The following DOK6 variants were observed in gnomAD, a reference collection of about 807,000 sequenced individuals.
DOK6 encodes the protein downstream of tyrosine kinase 6.
A neutral mutation model predicts 44.0 loss-of-function variants in DOK6; 22 were observed. That is an observed-to-expected ratio of 0.50 (90% CI 0.36 to 0.71). DOK6 has a LOEUF of 0.71. Among genes scored for constraint, DOK6 ranks in the 30% least tolerant of loss-of-function variants. The pLI, the probability that DOK6 is intolerant of heterozygous loss-of-function variation, is 0.00. For synonymous variants in DOK6, 166 were observed against 145.5 expected (o/e 1.14, Z -1.01); for missense variants, 340 against 416.4 (o/e 0.82, Z 1.60).
At chr18:69,831,750 T>A (rs1449661252) in intron 7 of DOK6, among the ~76,000 whole-genome samples, 2 of 152,234 alleles carry the variant, frequency 1.3e-5, no homozygotes, top group African/African-American at 4.8e-5. Context: ...AGCACAGTGA[T>A]CAAATCATAA....
chr18:69,726,906 G>A (rs1254922249), intron 5 of DOK6, among the ~76,000 whole-genome samples: 1 of 151,648 alleles, frequency 6.6e-6, no homozygotes. Context: ...CCAGGCTGGA[G>A]TGCAGTGGCA....
intron 4 of DOK6, among the ~76,000 whole-genome samples, chr18:69,682,806 G>GGTAGA (rs1986072583): frequency 6.6e-6 from 1 of 152,124 alleles, no homozygotes. Flanking sequence ...AAAGTACTGT[G>GGTAGA]GTAGAGGTGA....
chr18:69,519,028 G>A (rs1044359366), intron 1 of DOK6, among the ~76,000 whole-genome samples: 8 of 152,030 alleles, frequency 5.3e-5, no homozygotes, highest in Admixed American at 3.3e-4. Flanking sequence ...TCAATTGCAA[G>A]AGGAAATGAA....
rs1337364324 is a variant in DOK6 at position 69,585,909 on chromosome 18, A to C, written c.175-13475A>C. ...GATGTATGTCAGCAATCTGTCCCTA[A>C]TCATAGCCTTGTATCTTTTGAACAG... On this transcript the variant is annotated intron_variant, in intron 2 of 7. Coordinates refer to ENST00000382713, the MANE Select transcript of DOK6 (RefSeq NM_152721.6). Among the ~76,000 whole-genome samples the C allele has an allele frequency of 3.9e-5, 6 of 152,208 alleles. No individual in the cohort carries two copies. The East Asian group carries it at 1.2e-3, about 29-fold the overall frequency.
intron 3 of DOK6, among the ~76,000 whole-genome samples, chr18:69,648,802 A>G (rs1985148471): frequency 1.3e-5 from 2 of 152,196 alleles, no homozygotes; most frequent in Non-Finnish European, 1.5e-5. Context: ...ATAGCTGTTC[A>G]TGCAACTGGG....
intron 7 of DOK6, among the ~76,000 whole-genome samples, chr18:69,833,897 CA>C (rs1981970151): frequency 6.6e-6 from 1 of 151,980 alleles, no homozygotes; most frequent in Non-Finnish European, 1.5e-5. Flanking sequence ...ATCAAAAAGA[CA>C]AAAAATAACA....
Position 69,842,979 on chromosome 18 carries a change from T to C in DOK6, c.*1596T>C, listed in dbSNP as rs1482352195. 1 of 152,136 alleles carries C rather than the reference T, an allele frequency of 6.6e-6. No individual in the cohort carries two copies. The highest frequency in any genetic ancestry group is 1.5e-5 in the Non-Finnish European group (1 of 68,026). 9.4% of individuals were successfully genotyped at this position (152,136 alleles called of 1,614,324 possible). A position where few individuals can be genotyped will look rare whatever the true frequency, so the allele number is the denominator to read the frequency against. ...ACCTTTTTTGCTGATCTCTGATGAGTTGTCTTTTCATCCCTATCTGTAGCT... is the reference window on the plus strand; with the variant it reads ...ACCTTTTTTGCTGATCTCTGATGAGCTGTCTTTTCATCCCTATCTGTAGCT... On this transcript the variant is annotated 3_prime_UTR_variant, in exon 8 of 8. Coordinates refer to ENST00000382713, the MANE Select transcript of DOK6 (RefSeq NM_152721.6).
chr18:69,673,716 T>C (rs952811789), intron 3 of DOK6, among the ~76,000 whole-genome samples: 3 of 152,246 alleles, frequency 2.0e-5, no homozygotes, highest in African/African-American at 7.2e-5. Flanking sequence ...ACTAATCCTC[T>C]ATATAATGAA....
At chr18:69,409,228 C>A (rs1052778806) in intron 1 of DOK6, among the ~76,000 whole-genome samples, 1 of 152,178 alleles carries the variant, frequency 6.6e-6, no homozygotes, top group South Asian at 2.1e-4. Flanking sequence ...GCCTCCCTAG[C>A]CATGCAGAAC....
At chr18:69,726,331 T>A (rs562288413) in intron 5 of DOK6, among the ~76,000 whole-genome samples, 1 of 152,292 alleles carries the variant, frequency 6.6e-6, no homozygotes, top group South Asian at 2.1e-4. Context: ...GACTACTGAC[T>A]TTTCCCATTC....
chr18:69,490,142 A>C (rs893430254), intron 1 of DOK6, among the ~76,000 whole-genome samples: 3 of 151,172 alleles, frequency 2.0e-5, no homozygotes, highest in Admixed American at 6.6e-5. Flanking sequence ...TGAAGAAAAC[A>C]AAAAAAAAGC....
intron 2 of DOK6, among the ~76,000 whole-genome samples, chr18:69,575,967 A>G (rs970493037): frequency 1.3e-5 from 2 of 152,164 alleles, no homozygotes; most frequent in South Asian, 2.1e-4. Flanking sequence ...AAGTTTTTAA[A>G]TATTTTTATG....
intron 1 of DOK6, among the ~76,000 whole-genome samples, chr18:69,523,300 A>G (rs908527804): frequency 2.6e-5 from 4 of 152,132 alleles, no homozygotes; most frequent in South Asian, 2.1e-4. Context: ...TGAAATGTGT[A>G]TAAGGAATAA....
intron 1 of DOK6, among the ~76,000 whole-genome samples, chr18:69,468,673 A>G (rs1231024026): frequency 4.6e-5 from 7 of 152,246 alleles, no homozygotes; most frequent in South Asian, 2.1e-4. Flanking sequence ...CATGTCTCAT[A>G]TGATACACAA....
At chr18:69,407,692 G>T (rs1047507178) in intron 1 of DOK6, among the ~76,000 whole-genome samples, 9 of 152,164 alleles carry the variant, frequency 5.9e-5, no homozygotes, top group African/African-American at 2.2e-4. Flanking sequence ...ATGATATTTT[G>T]CTATAAGCAA....
chr18:69,551,599 C>A (rs1212431405), intron 1 of DOK6, among the ~76,000 whole-genome samples: 1 of 152,026 alleles, frequency 6.6e-6, no homozygotes, highest in Non-Finnish European at 1.5e-5. Flanking sequence ...CTCAGGAAAT[C>A]CAGGAGGATA....
Position 69,480,925 on chromosome 18 carries a change from C to T in DOK6, c.66+79615C>T, listed in dbSNP as rs533051960. ...GAGGACCCTGTGAAGAACTCACATA[C>T]GGTCCTGAGATGACTGGATGGCCAG... is the stretch of plus-strand genomic sequence containing the variant. On this transcript the variant is annotated intron_variant, in intron 1 of 7. Transcript: ENST00000382713. 5.9e-5 allele frequency among the ~76,000 whole-genome samples: 9 copies of T among 152,250 alleles called. No individual in the cohort carries two copies. In the East Asian group the frequency reaches 1.2e-3, roughly 20 times the overall value.
chr18:69,782,491 G>C (rs28616015), intron 7 of DOK6, among the ~76,000 whole-genome samples: 19,565 of 151,948 alleles, frequency 0.13, 1,943 homozygotes, highest in African/African-American at 0.27. Flanking sequence ...GATTACAGGC[G>C]TGAGCCACCG....
At chr18:69,614,481 G>A (rs1420420801) in intron 3 of DOK6, among the ~76,000 whole-genome samples, 1 of 151,812 alleles carries the variant, frequency 6.6e-6, no homozygotes, top group Non-Finnish European at 1.5e-5. Context: ...TCATAAAATG[G>A]TCACCACAAT....
Sources: allele counts gnomAD v4.1 joint callset (sites outside exome capture counted in the v4.1 genomes callset), GRCh38; gene constraint gnomAD v4.1.1; transcripts MANE v1.5; gene names NCBI Gene and HGNC (gene_info 2026-07-23, HGNC 2026-07-21).